FCHSD2: variants seen among roughly 807,000 people sequenced by gnomAD.
FCHSD2 encodes F-BAR and double SH3 domains protein 2.
A neutral mutation model predicts 108.1 loss-of-function variants in FCHSD2; 38 were observed. The observed-to-expected ratio is 0.35, with a 90% CI of 0.27 to 0.46. The LOEUF (loss-of-function observed/expected upper bound fraction) is 0.46, where lower values mean the gene tolerates loss of function less well. Ranked by LOEUF, FCHSD2 falls within the 20% of genes least tolerant of loss-of-function variation. FCHSD2 has a pLI of 1.00. For missense variants in FCHSD2, 751 were observed against 897.8 expected (o/e 0.84, Z 2.09); for synonymous variants, 279 against 314.7 (o/e 0.89, Z 1.20).
chr11:73,057,495 T>C (rs1235079945), intron 3 of FCHSD2, among the ~76,000 whole-genome samples: 3 of 151,942 alleles, frequency 2.0e-5, no homozygotes, highest in Non-Finnish European at 4.4e-5. Context: ...CAGAAAACTA[T>C]ATTAAAAAGG....
At chr11:73,109,296 C>A (rs932818020) in intron 2 of FCHSD2, among the ~76,000 whole-genome samples, 1 of 152,162 alleles carries the variant, frequency 6.6e-6, no homozygotes, top group Non-Finnish European at 1.5e-5. Flanking sequence ...TGCATTGAAT[C>A]TGTAGATTGC....
At chr11:73,095,249 GATTA>G (rs1212576566) in intron 2 of FCHSD2, among the ~76,000 whole-genome samples, 6 of 152,078 alleles carry the variant, frequency 3.9e-5, no homozygotes, top group African/African-American at 9.7e-5. Flanking sequence ...GTATTATGAG[GATTA>G]ATTAAGTACA....
Position 73,142,099 on chromosome 11 carries a change from G to A in FCHSD2, c.-222C>T. 2.1e-6 allele frequency: 1 copy of A among 470,678 alleles called. No homozygotes were observed. Among genetic ancestry groups the A allele is most frequent in the East Asian group, 3.8e-5 (1 of 26,196 alleles). 29.2% of individuals were successfully genotyped at this position (470,678 alleles called of 1,614,324 possible). A position where few individuals can be genotyped will look rare whatever the true frequency, so the allele number is the denominator to read the frequency against. Reference sequence around the variant, plus strand: ...CGAGGGAGGAGCACCGGGAAGGCTTGGGGCCCGGGCGGCCCGGGCGGCCCG... The same window carrying A: ...CGAGGGAGGAGCACCGGGAAGGCTTAGGGCCCGGGCGGCCCGGGCGGCCCG... On this transcript the variant is annotated 5_prime_UTR_variant, in exon 1 of 20. Coordinates refer to ENST00000409418, the MANE Select transcript of FCHSD2 (RefSeq NM_014824.3).
At chr11:73,099,886 G>A (rs1294270482) in intron 2 of FCHSD2, among the ~76,000 whole-genome samples, 2 of 152,320 alleles carry the variant, frequency 1.3e-5, no homozygotes, top group East Asian at 3.9e-4. Flanking sequence ...TCACTCCGAG[G>A]GGACTTTCGG....
chr11:72,882,161 G>A (rs933574341), intron 12 of FCHSD2, among the ~76,000 whole-genome samples: 1 of 150,634 alleles, frequency 6.6e-6, no homozygotes, highest in Non-Finnish European at 1.5e-5. Flanking sequence ...AGAGAGCAGA[G>A]GCTGGGCATG....
chr11:72,872,286 C>CTTT (rs59486746), intron 12 of FCHSD2, among the ~76,000 whole-genome samples: 4 of 132,212 alleles, frequency 3.0e-5, no homozygotes, highest in East Asian at 2.1e-4. Context: ...TTTTTCTTTT[C>CTTT]TTTTTTTTTT....
intron 12 of FCHSD2, among the ~76,000 whole-genome samples, chr11:72,882,350 T>C (rs1025487201): frequency 6.6e-6 from 1 of 151,944 alleles, no homozygotes; most frequent in African/African-American, 2.4e-5. Flanking sequence ...AGAGCAAGAC[T>C]TCGTCTCAAA....
At chr11:72,957,932 T>C (rs964526285) in intron 8 of FCHSD2, among the ~76,000 whole-genome samples, 7 of 152,236 alleles carry the variant, frequency 4.6e-5, no homozygotes, top group South Asian at 4.1e-4. Context: ...TTTGGAATTA[T>C]ATAAACATAA....
intron 8 of FCHSD2, among the ~76,000 whole-genome samples, chr11:72,941,839 A>G (rs907339198): frequency 2.0e-5 from 3 of 152,206 alleles, no homozygotes; most frequent in African/African-American, 7.2e-5. Flanking sequence ...TGTAGCTTCA[A>G]AAAAAGATAT....
At position 73,142,127 on chromosome 11, in the gene FCHSD2, G is replaced by A. The variant is rs1027886123; in HGVS notation, c.-250C>T. 2.2e-5 allele frequency: 8 copies of A among 364,662 alleles called. No individual in the cohort carries two copies. Among genetic ancestry groups the A allele is most frequent in the African/African-American group, 8.7e-5 (4 of 45,892 alleles). 22.6% of individuals were successfully genotyped at this position (364,662 alleles called of 1,614,324 possible). On this transcript the variant is annotated 5_prime_UTR_variant, in exon 1 of 20. Coordinates refer to ENST00000409418, the MANE Select transcript of FCHSD2 (RefSeq NM_014824.3). ...GCCCGGGCGGCCCGGGCGGCCCGGGGGTGTGTGAGGAAGGAGGCGGAGACG... is the reference window on the plus strand; with the variant it reads ...GCCCGGGCGGCCCGGGCGGCCCGGGAGTGTGTGAGGAAGGAGGCGGAGACG...
At chr11:72,928,489 C>T (rs995087428) in intron 8 of FCHSD2, among the ~76,000 whole-genome samples, 4 of 152,134 alleles carry the variant, frequency 2.6e-5, no homozygotes, top group Non-Finnish European at 5.9e-5. Flanking sequence ...GTCCTTCCCC[C>T]CTTCTCTTCC....
At chr11:73,126,468 A>C (rs1860862813) in intron 2 of FCHSD2, among the ~76,000 whole-genome samples, 2 of 151,916 alleles carry the variant, frequency 1.3e-5, no homozygotes, top group African/African-American at 4.8e-5. Context: ...TTATGAAGAA[A>C]AGTTTGTAAA....
At chr11:72,915,479 G>C (rs1001005111) in intron 9 of FCHSD2, among the ~76,000 whole-genome samples, 4 of 152,146 alleles carry the variant, frequency 2.6e-5, no homozygotes, top group African/African-American at 7.2e-5. Flanking sequence ...CACAATAGCA[G>C]AGACATGGAA....
intron 14 of FCHSD2, among the ~76,000 whole-genome samples, chr11:72,843,851 A>G (rs1861042660): frequency 6.6e-6 from 1 of 151,634 alleles, no homozygotes; most frequent in African/African-American, 2.4e-5. Flanking sequence ...GTAAATAAAT[A>G]AATAAAATTA....
chr11:72,968,764 C>T (rs1856958487), intron 8 of FCHSD2, among the ~76,000 whole-genome samples: 1 of 152,190 alleles, frequency 6.6e-6, no homozygotes, highest in Non-Finnish European at 1.5e-5. Context: ...TCAGGATGCT[C>T]TGACCAGTCA....
chr11:72,899,256 G>A (rs1231223145), intron 10 of FCHSD2, among the ~76,000 whole-genome samples: 1 of 151,876 alleles, frequency 6.6e-6, no homozygotes, highest in Non-Finnish European at 1.5e-5. Context: ...CTCCCTCTTT[G>A]CAGAGTAAAC....
At position 73,015,895 on chromosome 11, in the gene FCHSD2, A is replaced by C; in HGVS notation, c.166-10T>G. 1 of 1,518,150 alleles carries C rather than the reference A, an allele frequency of 6.6e-7. No homozygotes were observed. The highest frequency in any genetic ancestry group is 9.0e-7 in the Non-Finnish European group (1 of 1,107,518). The allele number at this position is 1,518,150 out of a possible 1,614,324, so 94.0% of individuals were successfully genotyped here. A position where few individuals can be genotyped will look rare whatever the true frequency, so the allele number is the denominator to read the frequency against. On this transcript the variant is annotated splice_polypyrimidine_tract_variant and intron_variant, in intron 3 of 19. Coordinates refer to ENST00000409418, the MANE Select transcript of FCHSD2 (RefSeq NM_014824.3). ...CCAACTTCTGCATACCCTGTTAAAA[A>C]ATACATATTTTTTCTAAAATAAATA...
Position 73,141,959 on chromosome 11 carries a change from G to T in FCHSD2, c.-82C>A. ...GGAGGAGGGCCGGAGAGGAGGGGAC[G>T]GCCCAGCGAGCGCGCGCGTGTGTGA... On this transcript the variant is annotated 5_prime_UTR_variant, in exon 1 of 20. Coordinates refer to ENST00000409418, the MANE Select transcript of FCHSD2 (RefSeq NM_014824.3). 7.2e-7 allele frequency: 1 copy of T among 1,387,950 alleles called. No individual in the cohort carries two copies. The highest frequency in any genetic ancestry group is 9.8e-7 in the Non-Finnish European group (1 of 1,021,918). The allele number at this position is 1,387,950 out of a possible 1,614,324, so 86.0% of individuals were successfully genotyped here.
chr11:73,049,684 T>TGAA (rs1555080122), intron 3 of FCHSD2, among the ~76,000 whole-genome samples: 2 of 75,674 alleles, frequency 2.6e-5, no homozygotes, highest in Non-Finnish European at 6.5e-5. Context: ...TAGAGTATAA[T>TGAA]AAAAAAAAAA....
Sources: gnomAD v4.1 joint callset for allele counts (sites outside exome capture counted in the v4.1 genomes callset) on GRCh38, gnomAD v4.1.1 for gene constraint, MANE v1.5 for transcripts, NCBI Gene and HGNC (gene_info 2026-07-23, HGNC 2026-07-21) for gene names.